RBPJ: variants seen among roughly 807,000 people sequenced by gnomAD.
RBPJ encodes recombination signal binding protein for immunoglobulin kappa J region.
RBPJ carries 9 observed loss-of-function variants against 67.8 expected under a neutral mutation model. The ratio of observed to expected loss-of-function variants is 0.13; its 90% CI spans 0.08 to 0.23. RBPJ has a LOEUF of 0.23. RBPJ is among the 10% of genes least tolerant of loss of function. The probability of loss-of-function intolerance (pLI) is 1.00; values close to 1 mark genes in which losing one functional copy is unlikely to be tolerated. For synonymous variants in RBPJ, 198 were observed against 203.3 expected (o/e 0.97, Z 0.22); for missense variants, 305 against 595.6 (o/e 0.51, Z 5.08).
rs377029958 is a variant in RBPJ at position 26,430,677 on chromosome 4, C to T, written c.1149-15C>T. ...TTTTTAAAGTGTTTTTAAGTGATTT[C>T]TATTTCCTCCTCAGGTGTGGAGAGA... is the stretch of plus-strand genomic sequence containing the variant. On this transcript the variant is annotated splice_polypyrimidine_tract_variant and intron_variant, in intron 10 of 10. Coordinates refer to ENST00000355476, the MANE Select transcript of RBPJ (RefSeq NM_015874.6). This position sits in a 1 kb window ranked among gnomAD's most constrained non-coding sequence, Gnocchi z 4.1. 16 of 1,609,690 alleles carry T rather than the reference C, an allele frequency of 9.9e-6. No individual in the cohort carries two copies. Among genetic ancestry groups the T allele is most frequent in the South Asian group, 3.3e-5 (3 of 90,750 alleles).
intron 8 of RBPJ, among the ~76,000 whole-genome samples, chr4:26,429,570 C>T (rs993774330): frequency 2.6e-5 from 4 of 152,158 alleles, no homozygotes; most frequent in Non-Finnish European, 4.4e-5. Flanking sequence ...TTTTAAACAG[C>T]CATTTACATC....
intron 1 of RBPJ, among the ~76,000 whole-genome samples, chr4:26,242,153 G>A (rs1273737094): frequency 1.3e-5 from 2 of 152,150 alleles, no homozygotes; most frequent in Non-Finnish European, 2.9e-5. Flanking sequence ...CAGAGGTTCT[G>A]AGAGTGTGGT....
chr4:26,190,334 C>T (rs189949601), intron 1 of RBPJ, among the ~76,000 whole-genome samples: 2 of 152,278 alleles, frequency 1.3e-5, no homozygotes, highest in Non-Finnish European at 2.9e-5. Context: ...AACCTGGTCC[C>T]TATGGGAAAC....
upstream of RBPJ, among the ~76,000 whole-genome samples, chr4:26,316,416 CAT>C (rs1181276129): frequency 3.3e-4 from 45 of 138,182 alleles, no homozygotes; most frequent in Non-Finnish European, 5.4e-4. Context: ...TATATACATT[CAT>C]ATATACATTC....
rs536713148 is a variant in RBPJ, at chr4:26,366,571, C to T, written c.21-19782C>T. Among the ~76,000 whole-genome samples the T allele has an allele frequency of 3.9e-5, 6 of 152,054 alleles. No individual in the cohort carries two copies. In the South Asian group the frequency reaches 1.0e-3, roughly 26 times the overall value. On this transcript the variant is annotated intron_variant, in intron 1 of 10. Transcript: ENST00000355476. Reference sequence around the variant, plus strand: ...TCCTGAGTAGCTGGGACTACAGGCGCGTGCCATCATGCCTAATTTTTTGTA... The same window carrying T: ...TCCTGAGTAGCTGGGACTACAGGCGTGTGCCATCATGCCTAATTTTTTGTA...
At chr4:26,125,137 C>T in the RBPJ span, among the ~76,000 whole-genome samples, 2 of 152,322 alleles carry the variant, frequency 1.3e-5, no homozygotes, top group African/African-American at 4.8e-5. Flanking sequence ...TGCAGTCATC[C>T]CTCTTGCTCA....
chr4:26,268,534 T>C (rs1720779997), intron 1 of RBPJ, among the ~76,000 whole-genome samples: 1 of 152,228 alleles, frequency 6.6e-6, no homozygotes, highest in South Asian at 2.1e-4. Context: ...GAAATGTGCA[T>C]CTTCTGCTTC....
chr4:26,211,681 C>T (rs1718427186), intron 1 of RBPJ, among the ~76,000 whole-genome samples: 2 of 152,130 alleles, frequency 1.3e-5, no homozygotes. Flanking sequence ...CAGAAACTCA[C>T]CTTCCATTCG....
intron 1 of RBPJ, among the ~76,000 whole-genome samples, chr4:26,324,600 G>T (rs1723429785): frequency 6.6e-6 from 1 of 152,114 alleles, no homozygotes; most frequent in South Asian, 2.1e-4. Flanking sequence ...CACAATCTTA[G>T]CTCACTGCAA....
the RBPJ span, among the ~76,000 whole-genome samples, chr4:26,117,992 T>C: frequency 6.7e-6 from 1 of 150,250 alleles, no homozygotes; most frequent in Non-Finnish European, 1.5e-5. Context: ...ACATTTTAGA[T>C]ATATTATCCA....
At chr4:26,413,678 G>A (rs1283688395) in intron 3 of RBPJ, among the ~76,000 whole-genome samples, 1 of 152,176 alleles carries the variant, frequency 6.6e-6, no homozygotes, top group African/African-American at 2.4e-5. Flanking sequence ...TTTTCAGTCA[G>A]TTCAGTAGAT....
chr4:26,417,464 C>T (rs147862680), intron 4 of RBPJ, among the ~76,000 whole-genome samples: 72 of 152,232 alleles, frequency 4.7e-4, no homozygotes, highest in African/African-American at 1.6e-3. Flanking sequence ...GAATAGAATA[C>T]CTGAGAGCTT....
At chr4:26,306,438 A>AATTATTATTATT (rs556823125) in intron 1 of RBPJ, among the ~76,000 whole-genome samples, 2,825 of 147,130 alleles carry the variant, frequency 0.019, 40 homozygotes, top group African/African-American at 0.037. Context: ...TTATTTGGAG[A>AATTATTATTATT]ATTATTATTA....
intron 1 of RBPJ, among the ~76,000 whole-genome samples, chr4:26,329,332 C>T (rs116680221): frequency 0.023 from 3,495 of 152,112 alleles, 59 homozygotes; most frequent in Middle Eastern, 0.054. Flanking sequence ...TGGATGTAAA[C>T]AGTGTAAAAT....
intron 1 of RBPJ, among the ~76,000 whole-genome samples, chr4:26,341,262 A>G (rs1349299371): frequency 6.6e-6 from 1 of 152,206 alleles, no homozygotes; most frequent in Non-Finnish European, 1.5e-5. Flanking sequence ...TAGAAGTCAA[A>G]TAAAGAAGAT....
At chr4:26,346,837 C>T (rs995031045) in intron 1 of RBPJ, among the ~76,000 whole-genome samples, 12 of 151,802 alleles carry the variant, frequency 7.9e-5, no homozygotes, top group Admixed American at 2.0e-4. Flanking sequence ...ACTAAAAATA[C>T]AAAAATTAGC....
the RBPJ span, among the ~76,000 whole-genome samples, chr4:26,116,004 G>C: frequency 3.3e-5 from 5 of 151,644 alleles, no homozygotes; most frequent in South Asian, 1.0e-3. Flanking sequence ...CAGGCACCAT[G>C]AATTGAATTT....
chr4:26,203,562 C>G (rs1209089968), intron 1 of RBPJ, among the ~76,000 whole-genome samples: 1 of 152,172 alleles, frequency 6.6e-6, no homozygotes. Context: ...AGGGACTTCT[C>G]TCTATTGTGT....
chr4:26,233,486 G>A (rs1719355062), intron 1 of RBPJ, among the ~76,000 whole-genome samples: 1 of 152,150 alleles, frequency 6.6e-6, no homozygotes, highest in Admixed American at 6.5e-5. Flanking sequence ...GTTTCGTTAA[G>A]ATGTTGCCTT....
Sources: gnomAD v4.1 joint callset for allele counts (sites outside exome capture counted in the v4.1 genomes callset) on GRCh38, gnomAD v4.1.1 for gene constraint, Gnocchi (gnomAD v3.1) non-coding constraint, MANE v1.5 for transcripts, NCBI Gene and HGNC (gene_info 2026-07-23, HGNC 2026-07-21) for gene names.